The following FOXM1 variants were observed in gnomAD, a reference collection of about 807,000 sequenced individuals.
The protein encoded by FOXM1 is forkhead box M1, also known as forkhead box protein M1.
Under a neutral mutation model 63.6 loss-of-function variants are expected in FOXM1, and 25 were observed. The observed-to-expected ratio is 0.39, with a 90% CI of 0.29 to 0.55. The LOEUF is 0.55. FOXM1 is among the 20% of genes least tolerant of loss of function. The probability of loss-of-function intolerance (pLI) is 0.60; values close to 1 mark genes in which losing one functional copy is unlikely to be tolerated. For missense variants in FOXM1, 879 were observed against 958.7 expected (o/e 0.92, Z 1.10); for synonymous variants, 387 against 376.9 (o/e 1.03, Z -0.31).
chr12:2,874,953 C>T lies in FOXM1; in HGVS notation c.-47-428G>A, dbSNP rs1267243675. Reference sequence around the variant, plus strand: ...GGTAATTAGGAGTCCTGATGAAACTCTGATCCCATAATCCATTCAAGACAA... The same window carrying T: ...GGTAATTAGGAGTCCTGATGAAACTTTGATCCCATAATCCATTCAAGACAA... On this transcript the variant is annotated intron_variant, in intron 1 of 8. Coordinates refer to ENST00000359843, the MANE Select transcript of FOXM1 (RefSeq NM_021953.4). This position sits in a 1 kb window ranked among gnomAD's most constrained non-coding sequence, Gnocchi z 4.3. 1.3e-5 allele frequency among the ~76,000 whole-genome samples: 2 copies of T among 150,900 alleles called. No homozygotes were observed. The highest frequency in any genetic ancestry group is 4.9e-5 in the African/African-American group (2 of 40,966).
chr12:2,858,525 A>T lies in FOXM1; in HGVS notation c.*113T>A. The stretch of plus-strand genomic sequence containing the variant: ...TTGCATAATCAGGCAGCAGGGAGCT[A>T]TGAGGAGCAGAACAGTCCCTGCCTG... On this transcript the variant is annotated 3_prime_UTR_variant, in exon 9 of 9. Coordinates refer to ENST00000359843, the MANE Select transcript of FOXM1 (RefSeq NM_021953.4). 1.1e-6 allele frequency: 1 copy of T among 874,110 alleles called. No homozygotes were observed. Among genetic ancestry groups the T allele is most frequent in the Non-Finnish European group, 1.7e-6 (1 of 578,642 alleles). The allele number at this position is 874,110 out of a possible 1,614,324, so 54.1% of individuals were successfully genotyped here.
At chr12:2,876,667 C>A (rs1490317712) in intron 1 of FOXM1, among the ~76,000 whole-genome samples, 1 of 152,182 alleles carries the variant, frequency 6.6e-6, no homozygotes, top group Non-Finnish European at 1.5e-5. Flanking sequence ...CCAGCCCTCC[C>A]GAGGCCGCGG....
chr12:2,873,169 G>A (rs537718160), intron 2 of FOXM1, among the ~76,000 whole-genome samples: 2 of 148,958 alleles, frequency 1.3e-5, no homozygotes, highest in East Asian at 4.0e-4. Context: ...AGGCCGAGGT[G>A]GGCGAATCAC....
At chr12:2,868,788 A>T in intron 3 of FOXM1, 34 bp from the exon 4 acceptor site, 1 of 1,555,794 alleles carries the variant, frequency 6.4e-7, no homozygotes, top group Non-Finnish European at 8.8e-7. Flanking sequence ...GACATGAAAG[A>T]GTTCATGAGA....
chr12:2,862,169 A>G (rs909316279), intron 8 of FOXM1, among the ~76,000 whole-genome samples: 18 of 147,534 alleles, frequency 1.2e-4, no homozygotes, highest in African/African-American at 4.3e-4. Context: ...ACAGAGTGAG[A>G]CTCCGTCTCA....
chr12:2,872,342 G>A lies in FOXM1; in HGVS notation c.503-95C>T. 1 of 1,300,798 alleles carries A rather than the reference G, an allele frequency of 7.7e-7. No homozygotes were observed. 80.6% of individuals were successfully genotyped at this position (1,300,798 alleles called of 1,614,324 possible). ...GGTGGCTAGCAGGCCGGGTGCAGTG[G>A]CTCACACCTGTAATCCTAGCACTTT... On this transcript the variant is annotated intron_variant, in intron 2 of 8. Transcript: ENST00000359843. This position sits in a 1 kb window ranked among gnomAD's most constrained non-coding sequence, Gnocchi z 4.0.
chr12:2,860,108 G>A (rs1031858473), intron 8 of FOXM1, among the ~76,000 whole-genome samples: 2 of 152,138 alleles, frequency 1.3e-5, no homozygotes, highest in Non-Finnish European at 2.9e-5. Context: ...ATCTGAGGGT[G>A]CGGGTGACCT....
At chr12:2,868,281 G>A in intron 4 of FOXM1, 1 of 292,714 alleles carries the variant, frequency 3.4e-6, no homozygotes, top group Non-Finnish European at 6.3e-6. Flanking sequence ...CTAGCTGCTG[G>A]CATCTAGGAC....
intron 4 of FOXM1, among the ~76,000 whole-genome samples, chr12:2,867,534 C>T (rs1045444048): frequency 3.3e-5 from 5 of 149,544 alleles, no homozygotes; most frequent in Admixed American, 6.6e-5. Flanking sequence ...TAGTGGCGGG[C>T]GCCTGTAGTC....
Position 2,874,011 on chromosome 12 carries a change from A to T in FOXM1, c.468T>A (p.Pro156=). ...AARDVNLPRP[P]GALCEQKRET... ...CCCGTTTCTGCTCGCAAAGGGCTCC[A>T]GGTGGTCTAGGAAGATTCACATCCC... Residue 156 remains proline (P), a synonymous_variant, in exon 2 of 9, where the codon CCT becomes CCA. Transcript: ENST00000359843. This position sits in a 1 kb window ranked among gnomAD's most constrained non-coding sequence, Gnocchi z 4.3. The T allele has an allele frequency of 6.2e-7, 1 of 1,613,960 alleles. No individual in the cohort carries two copies. The highest frequency in any genetic ancestry group is 2.2e-5 in the East Asian group (1 of 44,880).
At chr12:2,875,696 T>A (rs916056631) in intron 1 of FOXM1, among the ~76,000 whole-genome samples, 2 of 151,488 alleles carry the variant, frequency 1.3e-5, no homozygotes, top group African/African-American at 4.8e-5. Context: ...ATCATTACAC[T>A]AAGGTGGTTC....
rs749330783 is a variant in FOXM1 at position 2,858,833 on chromosome 12, G to A, written c.2097C>T (p.Val699=). ...FGNSSPSDID[V]PKPGSPEPQV... is the part of the protein sequence containing the mutation. ...GTGGCTCCGGGGAGCCTGGCTTGGG[G>A]ACGTCTATATCTGAGGGAGAAGAGT... is the stretch of plus-strand genomic sequence containing the variant. The change falls in exon 9 of 9, where the codon GTC becomes GTT. Residue 699 remains valine (V), a synonymous_variant. Transcript: ENST00000359843. The A allele has an allele frequency of 4.3e-6, 7 of 1,614,100 alleles. No individual in the cohort carries two copies. The highest frequency in any genetic ancestry group is 3.3e-5 in the Admixed American group (2 of 60,012).
rs2098146427 is a variant in FOXM1 at position 2,877,069 on chromosome 12, G to C, written c.-197C>G. ...CGGTGCGGGCGGGGTGGGAACCCCG[G>C]GGGATCCCGGGAGGGGAGGGGGTCC... On this transcript the variant is annotated 5_prime_UTR_variant, in exon 1 of 9. Transcript: ENST00000359843. 1 of 152,098 alleles carries C rather than the reference G, an allele frequency of 6.6e-6. No individual in the cohort carries two copies. The highest frequency in any genetic ancestry group is 6.5e-5 in the Admixed American group (1 of 15,286). 9.4% of individuals were successfully genotyped at this position (152,098 alleles called of 1,614,324 possible). A position where few individuals can be genotyped will look rare whatever the true frequency, so the allele number is the denominator to read the frequency against.
At position 2,858,735 on chromosome 12, in the gene FOXM1, C is replaced by A; in HGVS notation, c.2195G>T (p.Ser732Ile). ...AAAGCTGATGTCCAGCAGGATCTTGCTGAGGCTGTCATTCATTGTGTCCAG... is the reference window on the plus strand; with the variant it reads ...AAAGCTGATGTCCAGCAGGATCTTGATGAGGCTGTCATTCATTGTGTCCAG... Reference protein sequence around the residue: ...LVLDTMNDSLSKILLDISFPG... With the variant: ...LVLDTMNDSLIKILLDISFPG... The change falls in exon 9 of 9, where the codon AGC becomes ATC. Residue 732 changes from serine (S) to isoleucine (I), a missense_variant. Coordinates refer to ENST00000359843, the MANE Select transcript of FOXM1 (RefSeq NM_021953.4). 2 of 1,614,204 alleles carry A rather than the reference C, an allele frequency of 1.2e-6. No homozygotes were observed. Among genetic ancestry groups the A allele is most frequent in the Non-Finnish European group, 1.7e-6 (2 of 1,180,032 alleles).
Position 2,858,516 on chromosome 12 carries a change from C to T in FOXM1, c.*122G>A. Reference sequence around the variant, plus strand: ...CTGCTACTTTTGCATAATCAGGCAGCAGGGAGCTATGAGGAGCAGAACAGT... The same window carrying T: ...CTGCTACTTTTGCATAATCAGGCAGTAGGGAGCTATGAGGAGCAGAACAGT... On this transcript the variant is annotated 3_prime_UTR_variant, in exon 9 of 9. Coordinates refer to ENST00000359843, the MANE Select transcript of FOXM1 (RefSeq NM_021953.4). 1 of 798,882 alleles carries T rather than the reference C, an allele frequency of 1.3e-6. No individual in the cohort carries two copies. Among genetic ancestry groups the T allele is most frequent in the Non-Finnish European group, 1.9e-6 (1 of 515,208 alleles). 49.5% of individuals were successfully genotyped at this position (798,882 alleles called of 1,614,324 possible).
At chr12:2,861,403 C>T (rs779121723) in intron 8 of FOXM1, 1 of 622,234 alleles carries the variant, frequency 1.6e-6, no homozygotes, top group Non-Finnish European at 2.8e-6. Flanking sequence ...ACCACCTGTT[C>T]CCCAAAAACC....
Position 2,859,528 on chromosome 12 carries a change from C to T in FOXM1, c.1402G>A (p.Glu468Lys). Residue 468 changes from glutamate (E) to lysine (K), a missense_variant, in exon 9 of 9, where the codon GAG (glutamate) becomes AAG (lysine). By Grantham distance (56) the Glu-to-Lys change is moderately conservative. Around this residue, in one of 4 missense-constraint regions of FOXM1, gnomAD observed 486 missense variants for 453.5 expected, o/e 1.07. Transcript: ENST00000359843. ...GGTCTCGCTAAGTGTGGCATTTCCT[C>T]CCCAGGCTGGATTTCTTCCTCCTTG... ...TIKEEEIQPG[E>K]EMPHLARPIK... The T allele has an allele frequency of 6.2e-7, 1 of 1,614,016 alleles. No individual in the cohort carries two copies. Among genetic ancestry groups the T allele is most frequent in the East Asian group, 2.2e-5 (1 of 44,876 alleles).
chr12:2,864,292 T>A lies in FOXM1; in HGVS notation c.1266+28A>T, dbSNP rs768535916. On this transcript the variant is annotated intron_variant, in intron 8 of 8. Transcript: ENST00000359843. This position sits in a 1 kb window ranked among gnomAD's most constrained non-coding sequence, Gnocchi z 5.1. ...CCAACATTCTTAATTGGCCAGAATC[T>A]CTCTTCAGAGGAAAATAGGACACCC... is the stretch of plus-strand genomic sequence containing the variant. 4 of 1,582,904 alleles carry A rather than the reference T, an allele frequency of 2.5e-6. No homozygotes were observed. In the Admixed American group the frequency reaches 7.0e-5, roughly 28 times the overall value.
At chr12:2,870,534 G>A (rs561960905) in intron 3 of FOXM1, among the ~76,000 whole-genome samples, 5 of 151,538 alleles carry the variant, frequency 3.3e-5, no homozygotes, top group African/African-American at 1.2e-4. Context: ...GTGGTGGCGG[G>A]CGCCTATAGT....
Sources: gnomAD v4.1 joint callset for allele counts (sites outside exome capture counted in the v4.1 genomes callset) on GRCh38, gnomAD v4.1.1 for gene constraint, gnomAD v4.1.1 regional missense constraint, Gnocchi (gnomAD v3.1) non-coding constraint, MANE v1.5 for transcripts, NCBI Gene and HGNC (gene_info 2026-07-23, HGNC 2026-07-21) for gene names.